Variants in CDC25A observed in about 807,000 individuals in gnomAD.
CDC25A encodes the protein M-phase inducer phosphatase 1.
CDC25A carries 17 observed loss-of-function variants against 64.6 expected under a neutral mutation model. The observed-to-expected ratio is 0.26, with a 90% CI of 0.18 to 0.39. CDC25A has a LOEUF of 0.39. Ranked by LOEUF, CDC25A falls within the 10% of genes least tolerant of loss-of-function variation. The pLI is 1.00. For missense variants in CDC25A, 473 were observed against 654.8 expected (o/e 0.72, Z 3.03); for synonymous variants, 229 against 238.6 (o/e 0.96, Z 0.37).
Position 48,174,293 on chromosome 3 carries a change from C to G in CDC25A, c.921G>C (p.Lys307Asn). 6.2e-7 allele frequency: 1 copy of G among 1,611,852 alleles called. No individual in the cohort carries two copies. Among genetic ancestry groups the G allele is most frequent in the Non-Finnish European group, 8.5e-7 (1 of 1,179,382 alleles). The stretch of plus-strand genomic sequence containing the variant: ...AACCTAGGAAACTAACCTCATGGGC[C>G]TTCTCTGGATTAGTTGACTCTTTGG... ...ASPKESTNPEKAHETLHQSLS... is the reference protein window; with the variant it reads ...ASPKESTNPENAHETLHQSLS... The change falls in exon 9 of 15, where the codon AAG (lysine) becomes AAC (asparagine). Residue 307 changes from lysine (K) to asparagine (N), a missense_variant. Transcript: ENST00000302506.
chr3:48,172,811 C>T (rs866647949), intron 9 of CDC25A, among the ~76,000 whole-genome samples: 8 of 152,158 alleles, frequency 5.3e-5, no homozygotes, highest in African/African-American at 9.7e-5. Flanking sequence ...GTGCAGTGAG[C>T]GGAGATCATG....
chr3:48,162,691 C>CAA (rs11402407), intron 13 of CDC25A, among the ~76,000 whole-genome samples: 1 of 151,606 alleles, frequency 6.6e-6, no homozygotes, highest in African/African-American at 2.4e-5. Flanking sequence ...ACTAAAAATA[C>CAA]AAAAAAATTA....
intron 13 of CDC25A, among the ~76,000 whole-genome samples, chr3:48,162,230 TAATAA>T (rs1260884132): frequency 6.6e-6 from 1 of 151,548 alleles, no homozygotes; most frequent in Non-Finnish European, 1.5e-5. Context: ...TGTTAAAAAT[TAATAA>T]AATCAGGTGA....
chr3:48,183,900 G>A, intron 3 of CDC25A, 64 bp from the exon 4 acceptor site: 3 of 1,028,652 alleles, frequency 2.9e-6, no homozygotes, highest in Non-Finnish European at 4.5e-6. Context: ...CATATTAGCA[G>A]AGAGATAGTG....
rs1284190814 is a variant in CDC25A, at chr3:48,188,138, A to G, written c.-191T>C. On this transcript the variant is annotated 5_prime_UTR_variant, in exon 1 of 15. Transcript: ENST00000302506. ...GGCCGGGCGGGTGTGCGGACCCTCC[A>G]GGCGCCAGCCACCAGCCACAGGCAC... is the stretch of plus-strand genomic sequence containing the variant. The G allele has an allele frequency of 5.2e-6, 2 of 384,852 alleles. No homozygotes were observed. The highest frequency in any genetic ancestry group is 8.8e-6 in the Non-Finnish European group (2 of 226,432). The allele number at this position is 384,852 out of a possible 1,614,324, so 23.8% of individuals were successfully genotyped here.
At chr3:48,183,898 CAGAG>C (rs1353999473) in intron 3 of CDC25A, 62 bp from the exon 4 acceptor site, 2 of 1,059,302 alleles carry the variant, frequency 1.9e-6, no homozygotes, top group Non-Finnish European at 2.9e-6. Flanking sequence ...TTCATATTAG[CAGAG>C]AGATAGTGTT....
chr3:48,180,455 G>T, intron 6 of CDC25A: 1 of 344,766 alleles, frequency 2.9e-6, no homozygotes, highest in Non-Finnish European at 5.2e-6. Flanking sequence ...ATACATTTAG[G>T]ATGACCCAGG....
chr3:48,164,202 G>A, intron 13 of CDC25A, 105 bp downstream of exon 13: 1 of 1,084,896 alleles, frequency 9.2e-7, no homozygotes, highest in Non-Finnish European at 1.3e-6. Flanking sequence ...GCCAGAGGTT[G>A]CTTGATATGC....
rs537847560 is a variant in CDC25A at position 48,162,388 on chromosome 3, C to G, written c.1322+1919G>C. Among the ~76,000 whole-genome samples, 25 of 151,910 alleles carry G rather than the reference C, an allele frequency of 1.6e-4. No homozygotes were observed. In the South Asian group the frequency reaches 4.8e-3, roughly 29 times the overall value. The stretch of plus-strand genomic sequence containing the variant: ...ACAGCCTCGACCTGCTGGGCTCAAA[C>G]GATCCTCCCACCTCCTATTTTTTGT... On this transcript the variant is annotated intron_variant, in intron 13 of 14. Transcript: ENST00000302506.
intron 4 of CDC25A, among the ~76,000 whole-genome samples, chr3:48,183,420 A>T (rs2032736642): frequency 6.6e-6 from 1 of 152,180 alleles, no homozygotes; most frequent in African/African-American, 2.4e-5. Context: ...AAAGGCTGGG[A>T]ATAGTGGCTC....
At position 48,174,418 on chromosome 3, in the gene CDC25A, TA is replaced by T; in HGVS notation, c.795del (p.Cys265Ter). ...RCKLFDSPSL[C>X]SSSTRSVLKR... is the part of the protein sequence containing the mutation. ...TTCAACACTGACCGAGTGCTGGAGC[TA>T]CACAGGGAAGGGGAGTCAAACAGCT... On this transcript the variant is annotated frameshift_variant, in exon 9 of 15. Coordinates refer to ENST00000302506, the MANE Select transcript of CDC25A (RefSeq NM_001789.3). LOFTEE classifies it high-confidence loss of function. 1 of 1,613,868 alleles carries T rather than the reference TA, an allele frequency of 6.2e-7. No individual in the cohort carries two copies. Among genetic ancestry groups the T allele is most frequent in the Non-Finnish European group, 8.5e-7 (1 of 1,179,930 alleles).
chr3:48,164,585 A>G (rs1420985955), intron 12 of CDC25A, 148 bp from the exon 13 acceptor site: 2 of 652,274 alleles, frequency 3.1e-6, no homozygotes, highest in Non-Finnish European at 4.8e-6. Context: ...ATAGCCCAGT[A>G]GACCATTTGG....
intron 10 of CDC25A, 97 bp downstream of exon 10, chr3:48,167,749 T>C (rs1030770587): frequency 1.4e-6 from 1 of 713,842 alleles, no homozygotes; most frequent in Non-Finnish European, 2.6e-6. Flanking sequence ...TTTGGAGGTA[T>C]GCCAGGAACC....
chr3:48,172,565 G>A (rs1481595318), intron 9 of CDC25A, among the ~76,000 whole-genome samples: 1 of 152,186 alleles, frequency 6.6e-6, no homozygotes, highest in Non-Finnish European at 1.5e-5. Flanking sequence ...AGACAACCAT[G>A]ACACTAGCTC....
intron 13 of CDC25A, among the ~76,000 whole-genome samples, chr3:48,160,973 GA>G (rs2031733527): frequency 6.6e-6 from 1 of 151,568 alleles, no homozygotes; most frequent in Non-Finnish European, 1.5e-5. Context: ...CCAAGATAGT[GA>G]AACCCTGTGT....
chr3:48,165,983 T>G (rs1398289954), intron 10 of CDC25A, 90 bp from the exon 11 acceptor site: 2 of 932,066 alleles, frequency 2.1e-6, no homozygotes, highest in African/African-American at 3.3e-5. Context: ...GGAGGCATCT[T>G]TTAAAAAACA....
chr3:48,180,072 C>A (rs1005847463), intron 6 of CDC25A, among the ~76,000 whole-genome samples: 3 of 152,082 alleles, frequency 2.0e-5, no homozygotes. Flanking sequence ...CCTGAGCATT[C>A]ACTGTAATCC....
chr3:48,175,521 C>T (rs1370331663), intron 8 of CDC25A, among the ~76,000 whole-genome samples: 2 of 152,176 alleles, frequency 1.3e-5, no homozygotes, highest in African/African-American at 4.8e-5. Flanking sequence ...TGAAATCTTC[C>T]TGATAGTCCC....
chr3:48,180,025 T>C (rs1333426152), intron 6 of CDC25A, among the ~76,000 whole-genome samples: 2 of 152,120 alleles, frequency 1.3e-5, no homozygotes, highest in Non-Finnish European at 2.9e-5. Context: ...GGCAAATACA[T>C]AGCCCTGAAA....
Sources: gnomAD v4.1 joint callset for allele counts (sites outside exome capture counted in the v4.1 genomes callset) on GRCh38, gnomAD v4.1.1 for gene constraint, MANE v1.5 for transcripts, NCBI Gene and HGNC (gene_info 2026-07-23, HGNC 2026-07-21) for gene names.